COL23A1: variants seen among roughly 807,000 people sequenced by gnomAD.
COL23A1 encodes the protein collagen alpha-1(XXIII) chain.
In COL23A1, 97 loss-of-function variants were observed where a neutral mutation model predicts 99.3. The ratio of observed to expected loss-of-function variants is 0.98; its 90% CI spans 0.83 to 1.16. The LOEUF (loss-of-function observed/expected upper bound fraction) is 1.16, where lower values mean the gene tolerates loss of function less well. COL23A1 is among the 50% of genes most tolerant of loss of function. The probability of loss-of-function intolerance (pLI) is 0.00; values close to 1 mark genes in which losing one functional copy is unlikely to be tolerated. For synonymous variants in COL23A1, 320 were observed against 308.2 expected (o/e 1.04, Z -0.40); for missense variants, 762 against 757.4 (o/e 1.01, Z -0.07).
At chr5:178,540,132 A>G (rs963841090) in intron 2 of COL23A1, among the ~76,000 whole-genome samples, 36 of 152,234 alleles carry the variant, frequency 2.4e-4, no homozygotes, top group African/African-American at 8.0e-4. Flanking sequence ...GATGCCTGCT[A>G]TTTCCAATTC....
At chr5:178,246,491 G>A (rs1438543477) in intron 22 of COL23A1, 38 bp from the exon 23 acceptor site, 38 of 1,546,984 alleles carry the variant, frequency 2.5e-5, no homozygotes, top group Non-Finnish European at 3.1e-5. Context: ...AGGGGAAGGG[G>A]TTAGACAGAC....
intron 1 of COL23A1, among the ~76,000 whole-genome samples, chr5:178,574,779 G>C (rs532091136): frequency 6.8e-5 from 9 of 133,076 alleles, no homozygotes; most frequent in Admixed American, 2.2e-4. Flanking sequence ...AAACGCTGAA[G>C]GTATTCAGCT....
rs1755834397 is a variant in COL23A1, at chr5:178,265,544, C to A, written c.522+1763G>T. On this transcript the variant is annotated intron_variant, in intron 8 of 28. Transcript: ENST00000390654. ...CTTAGGCTCTTTCCTGGCCAGCCTGCCTGCTCCTCCCTCAGGGATTGGATG... is the reference window on the plus strand; with the variant it reads ...CTTAGGCTCTTTCCTGGCCAGCCTGACTGCTCCTCCCTCAGGGATTGGATG... The A allele has an allele frequency of 1.4e-5, 5 of 365,694 alleles. No individual in the cohort carries two copies. In the South Asian group the frequency reaches 5.5e-4, roughly 40 times the overall value. 22.7% of individuals were successfully genotyped at this position (365,694 alleles called of 1,614,324 possible).
intron 2 of COL23A1, among the ~76,000 whole-genome samples, chr5:178,447,146 T>G (rs1208994842): frequency 6.6e-6 from 1 of 151,720 alleles, no homozygotes; most frequent in Non-Finnish European, 1.5e-5. Flanking sequence ...CAGGCTGGAG[T>G]GCAGAGGTAC....
At chr5:178,358,148 GTGTA>G (rs571265271) in intron 2 of COL23A1, among the ~76,000 whole-genome samples, 60 of 145,986 alleles carry the variant, frequency 4.1e-4, no homozygotes, top group Non-Finnish European at 5.3e-4. Flanking sequence ...GTGTGTGTAT[GTGTA>G]TGTGTGTATG....
chr5:178,345,642 G>GCCTCCCA (rs1760925591), intron 2 of COL23A1, among the ~76,000 whole-genome samples: 1 of 150,374 alleles, frequency 6.7e-6, no homozygotes, highest in African/African-American at 2.4e-5. Flanking sequence ...TCAGCCTCCC[G>GCCTCCCA]AGTAGCTGGG....
intron 2 of COL23A1, among the ~76,000 whole-genome samples, chr5:178,517,556 AGTTTTTTTTTT>A (rs1759592187): frequency 1.8e-5 from 1 of 55,164 alleles, no homozygotes; most frequent in Non-Finnish European, 2.9e-5. Flanking sequence ...CGGTGACAGC[AGTTTTTTTTTT>A]GTTTTTTTTT....
intron 2 of COL23A1, among the ~76,000 whole-genome samples, chr5:178,443,263 C>T (rs1177134781): frequency 1.3e-5 from 2 of 152,130 alleles, no homozygotes; most frequent in African/African-American, 4.8e-5. Flanking sequence ...GCTGCAACTT[C>T]AGAGCCTCGA....
chr5:178,419,483 C>T (rs1401160589), intron 2 of COL23A1, among the ~76,000 whole-genome samples: 1 of 152,214 alleles, frequency 6.6e-6, no homozygotes, highest in Non-Finnish European at 1.5e-5. Context: ...CTCCTTTAAT[C>T]TGCACAGCAA....
At chr5:178,371,793 G>A (rs191842998) in intron 2 of COL23A1, among the ~76,000 whole-genome samples, 7 of 152,292 alleles carry the variant, frequency 4.6e-5, no homozygotes, top group Admixed American at 1.3e-4. Context: ...AGCCCCCACC[G>A]CCCCAGGGGG....
At chr5:178,317,530 A>C (rs1255670282) in intron 2 of COL23A1, among the ~76,000 whole-genome samples, 1 of 152,264 alleles carries the variant, frequency 6.6e-6, no homozygotes, top group Non-Finnish European at 1.5e-5. Context: ...TACACTGATC[A>C]AAATTACCTT....
At chr5:178,577,587 A>G (rs974368855) in intron 1 of COL23A1, among the ~76,000 whole-genome samples, 1 of 152,140 alleles carries the variant, frequency 6.6e-6, no homozygotes, top group Non-Finnish European at 1.5e-5. Flanking sequence ...GGAACAGCCC[A>G]GGGCCCTCCC....
intron 1 of COL23A1, among the ~76,000 whole-genome samples, chr5:178,573,926 T>C (rs552871541): frequency 1.3e-5 from 2 of 152,022 alleles, no homozygotes; most frequent in Non-Finnish European, 2.9e-5. Context: ...TGATGCAATC[T>C]CCACTCACTG....
chr5:178,483,799 G>C (rs1757464245), intron 2 of COL23A1, among the ~76,000 whole-genome samples: 1 of 152,228 alleles, frequency 6.6e-6, no homozygotes, highest in African/African-American at 2.4e-5. Flanking sequence ...CCGTGCAGCG[G>C]GGTTCCTCTT....
intron 2 of COL23A1, among the ~76,000 whole-genome samples, chr5:178,492,722 C>T (rs1202258473): frequency 6.6e-6 from 1 of 151,792 alleles, no homozygotes; most frequent in African/African-American, 2.4e-5. Flanking sequence ...GGCCAGTGTC[C>T]ATCACCTGTT....
chr5:178,367,863 C>T (rs529329332), intron 2 of COL23A1, among the ~76,000 whole-genome samples: 4 of 152,342 alleles, frequency 2.6e-5, no homozygotes, highest in Non-Finnish European at 5.9e-5. Flanking sequence ...CAGGCCGTGG[C>T]CTGGGTCAGG....
intron 2 of COL23A1, among the ~76,000 whole-genome samples, chr5:178,324,756 T>C (rs1286447523): frequency 6.6e-6 from 1 of 152,142 alleles, no homozygotes; most frequent in Non-Finnish European, 1.5e-5. Flanking sequence ...CTAACGGAAA[T>C]GGGTCGAATG....
At chr5:178,547,561 AC>A (rs1562076629) in intron 2 of COL23A1, among the ~76,000 whole-genome samples, 1 of 47,838 alleles carries the variant, frequency 2.1e-5, no homozygotes, top group African/African-American at 9.4e-5. Context: ...CCCCATACAC[AC>A]CCCCACACAC....
At chr5:178,311,375 C>T (rs1185571682) in intron 2 of COL23A1, among the ~76,000 whole-genome samples, 1 of 152,142 alleles carries the variant, frequency 6.6e-6, no homozygotes, top group Non-Finnish European at 1.5e-5. Flanking sequence ...GCAGACACAC[C>T]AGCCTGGGGT....
Sources: gnomAD v4.1 joint callset for allele counts (sites outside exome capture counted in the v4.1 genomes callset) on GRCh38, gnomAD v4.1.1 for gene constraint, MANE v1.5 for transcripts, NCBI Gene and HGNC (gene_info 2026-07-23, HGNC 2026-07-21) for gene names.